SORBS2: variants seen among roughly 807,000 people sequenced by gnomAD.
The protein encoded by SORBS2 is sorbin and SH3 domain-containing protein 2.
A neutral mutation model predicts 97.7 loss-of-function variants in SORBS2; 46 were observed. The ratio of observed to expected loss-of-function variants is 0.47; its 90% CI spans 0.37 to 0.60. The LOEUF (loss-of-function observed/expected upper bound fraction) is 0.60, where lower values mean the gene tolerates loss of function less well. Ranked by LOEUF, SORBS2 falls within the 20% of genes least tolerant of loss-of-function variation. SORBS2 has a pLI of 0.00. For missense variants in SORBS2, 1,316 were observed against 1,282.3 expected (o/e 1.03, Z -0.40); for synonymous variants, 476 against 473.4 (o/e 1.01, Z -0.07).
intron 2 of SORBS2, among the ~76,000 whole-genome samples, chr4:185,688,771 A>T (rs1288450906): frequency 6.6e-6 from 1 of 152,180 alleles, no homozygotes; most frequent in African/African-American, 2.4e-5. Flanking sequence ...ATATATATTT[A>T]AAAGTGGTAT....
chr4:185,826,206 A>G (rs1390659981), intron 1 of SORBS2, among the ~76,000 whole-genome samples: 6 of 152,212 alleles, frequency 3.9e-5, no homozygotes, highest in South Asian at 2.1e-4. Context: ...CTCAGAGGTC[A>G]TGTGCTCTGC....
intron 1 of SORBS2, among the ~76,000 whole-genome samples, chr4:185,898,539 G>A (rs1210171493): frequency 2.0e-5 from 3 of 152,324 alleles, no homozygotes; most frequent in Non-Finnish European, 4.4e-5. Context: ...GTTTTTGGAG[G>A]CAGTGTTGCT....
At chr4:185,681,851 A>G (rs2097873592) in intron 2 of SORBS2, among the ~76,000 whole-genome samples, 1 of 152,144 alleles carries the variant, frequency 6.6e-6, no homozygotes, top group Non-Finnish European at 1.5e-5. Context: ...TGTGTTTGTG[A>G]TACGTGTCAC....
At chr4:185,771,944 G>A (rs537722955) in intron 2 of SORBS2, 1 of 152,054 alleles carries the variant, frequency 6.6e-6, no homozygotes, top group South Asian at 2.1e-4. Context: ...TTTCCCAATG[G>A]GTCATATTTT....
intron 1 of SORBS2, among the ~76,000 whole-genome samples, chr4:185,804,518 T>C (rs1352889994): frequency 6.6e-6 from 1 of 152,218 alleles, no homozygotes; most frequent in Non-Finnish European, 1.5e-5. Flanking sequence ...AAATCCCTCT[T>C]TGGGAAATAA....
intron 4 of SORBS2, 39 bp downstream of exon 7, chr4:185,678,384 C>T (rs780112724): frequency 2.0e-6 from 3 of 1,509,516 alleles, no homozygotes; most frequent in Non-Finnish European, 2.7e-6. Context: ...AATAATCATG[C>T]CTTAAAATAA....
At chr4:185,947,540 C>T (rs1028297188) in intron 1 of SORBS2, among the ~76,000 whole-genome samples, 20 of 152,166 alleles carry the variant, frequency 1.3e-4, no homozygotes, top group African/African-American at 4.8e-4. Context: ...GCTCTGTGGT[C>T]TTACACTAGT....
chr4:185,921,578 C>G (rs2099260931), intron 1 of SORBS2, among the ~76,000 whole-genome samples: 2 of 152,024 alleles, frequency 1.3e-5, no homozygotes, highest in African/African-American at 4.8e-5. Flanking sequence ...TCAAGACTAG[C>G]CTGGCTGATA....
At chr4:185,853,473 C>T (rs893417570) in intron 1 of SORBS2, among the ~76,000 whole-genome samples, 15 of 152,038 alleles carry the variant, frequency 9.9e-5, no homozygotes, top group Non-Finnish European at 1.9e-4. Context: ...GCTATTCACA[C>T]GGGGGCCAAT....
Position 185,684,996 on chromosome 4 carries a change from C to G in SORBS2, c.-197-6174G>C. ...TGGAATGCACCTGCCAATTTCACACCACCCTCAAACTAAAACAAACAAAAC... is the reference window on the plus strand; with the variant it reads ...TGGAATGCACCTGCCAATTTCACACGACCCTCAAACTAAAACAAACAAAAC... On this transcript the variant is annotated intron_variant, in intron 2 of 20. Coordinates refer to the SORBS2 transcript ENST00000284776. This position sits in a 1 kb window ranked among gnomAD's most constrained non-coding sequence, Gnocchi z 4.2. The G allele has an allele frequency of 3.2e-6, 2 of 617,670 alleles. No homozygotes were observed. Among genetic ancestry groups the G allele is most frequent in the East Asian group, 5.6e-5 (2 of 35,734 alleles). The allele number at this position is 617,670 out of a possible 1,614,324, so 38.3% of individuals were successfully genotyped here.
chr4:185,915,404 T>C, intron 1 of SORBS2, among the ~76,000 whole-genome samples: 1 of 152,154 alleles, frequency 6.6e-6, no homozygotes, highest in East Asian at 1.9e-4. Context: ...GAAACCTAAA[T>C]AGTAATCAGC....
intron 2 of SORBS2, among the ~76,000 whole-genome samples, chr4:185,682,478 G>A (rs2097885719): frequency 6.6e-6 from 1 of 152,178 alleles, no homozygotes; most frequent in African/African-American, 2.4e-5. Flanking sequence ...GGACAAATAG[G>A]TGGTGACTCA....
chr4:185,938,250 G>A (rs1483689603), intron 1 of SORBS2, among the ~76,000 whole-genome samples: 10 of 151,864 alleles, frequency 6.6e-5, no homozygotes, highest in African/African-American at 1.9e-4. Flanking sequence ...CACCCGCCTC[G>A]GCCTCCCAAA....
chr4:185,847,835 C>A (rs1354234332), intron 1 of SORBS2, among the ~76,000 whole-genome samples: 3 of 152,126 alleles, frequency 2.0e-5, no homozygotes, highest in Non-Finnish European at 4.4e-5. Flanking sequence ...GCTTCATCGG[C>A]AAGGATTGAG....
intron 1 of SORBS2, among the ~76,000 whole-genome samples, chr4:185,823,731 C>T (rs951794093): frequency 4.6e-5 from 7 of 152,148 alleles, no homozygotes; most frequent in Non-Finnish European, 7.3e-5. Context: ...ATTAGTCACA[C>T]ATCACAGTCA....
At chr4:185,737,678 GGGCACCGCAGC>G (rs2098696617) in intron 2 of SORBS2, among the ~76,000 whole-genome samples, 1 of 152,108 alleles carries the variant, frequency 6.6e-6, no homozygotes, top group African/African-American at 2.4e-5. Flanking sequence ...CTGCGGGGAT[GGGCACCGCAGC>G]GTGGTGGGCA....
At chr4:185,730,926 G>A (rs2153571307) in intron 2 of SORBS2, among the ~76,000 whole-genome samples, 1 of 152,280 alleles carries the variant, frequency 6.6e-6, no homozygotes, top group East Asian at 1.9e-4. Context: ...TGTTACTGAT[G>A]AAATAATTTT....
chr4:185,796,989 A>G (rs11934456), intron 1 of SORBS2, among the ~76,000 whole-genome samples: 71,444 of 143,734 alleles, frequency 0.5, 18,370 homozygotes, highest in Non-Finnish European at 0.54. Flanking sequence ...CCCTGGTCAC[A>G]GTGGGGCTGG....
At chr4:185,873,273 G>T (rs2099231434) in intron 1 of SORBS2, among the ~76,000 whole-genome samples, 1 of 152,052 alleles carries the variant, frequency 6.6e-6, no homozygotes, top group Admixed American at 6.6e-5. Context: ...GTGTATATAG[G>T]TCTTTTACCT....
Sources: gnomAD v4.1 joint callset for allele counts (sites outside exome capture counted in the v4.1 genomes callset) on GRCh38, gnomAD v4.1.1 for gene constraint, Gnocchi (gnomAD v3.1) non-coding constraint, MANE v1.5 for transcripts, NCBI Gene and HGNC (gene_info 2026-07-23, HGNC 2026-07-21) for gene names.